The following TRIQK variants were observed in gnomAD, a reference collection of about 807,000 sequenced individuals.
TRIQK encodes the protein triple QxxK/R motif-containing protein.
TRIQK carries 10 observed loss-of-function variants against 10.8 expected under a neutral mutation model. That is an observed-to-expected ratio of 0.92 (90% confidence interval 0.57 to 1.57). The LOEUF (loss-of-function observed/expected upper bound fraction) is 1.57, where lower values mean the gene tolerates loss of function less well. Among genes scored for constraint, TRIQK ranks in the 40% most tolerant of loss-of-function variants. The pLI is 0.00. For synonymous variants in TRIQK, 33 were observed against 33.7 expected, an observed-to-expected ratio of 0.98 and a Z score of 0.07; for missense variants, 107 against 97.7, an observed-to-expected ratio of 1.09 and a Z score of -0.40.
chr8:92,998,898 G>T (rs749063894), intron 1 of TRIQK, among the ~76,000 whole-genome samples: 1 of 152,072 alleles, frequency 6.6e-6, no homozygotes, highest in Admixed American at 6.5e-5. Context: ...GTTAGGGAAT[G>T]ATTTACAAAA....
At chr8:93,014,301 C>T (rs1318023333) in intron 1 of TRIQK, among the ~76,000 whole-genome samples, 1 of 151,930 alleles carries the variant, frequency 6.6e-6, no homozygotes, top group Non-Finnish European at 1.5e-5. Flanking sequence ...TCAATAAATA[C>T]TTTAATAATA....
chr8:92,932,298 A>C (rs1461648035), intron 2 of TRIQK, among the ~76,000 whole-genome samples: 1 of 152,094 alleles, frequency 6.6e-6, no homozygotes, highest in East Asian at 1.9e-4. Flanking sequence ...TCAATCATAC[A>C]TCTAGCATCA....
At chr8:92,915,790 G>A (rs1173228559) in intron 3 of TRIQK, among the ~76,000 whole-genome samples, 1 of 151,542 alleles carries the variant, frequency 6.6e-6, no homozygotes, top group Non-Finnish European at 1.5e-5. Context: ...TTAAGTCACC[G>A]CGCCCGGCCT....
intron 1 of TRIQK, among the ~76,000 whole-genome samples, chr8:92,989,884 G>T (rs1325460801): frequency 6.6e-6 from 1 of 151,942 alleles, no homozygotes; most frequent in Non-Finnish European, 1.5e-5. Flanking sequence ...CTACGTAAAA[G>T]ATTTTTTTAC....
intron 2 of TRIQK, among the ~76,000 whole-genome samples, chr8:92,925,515 A>G (rs1810403945): frequency 6.6e-6 from 1 of 152,300 alleles, no homozygotes; most frequent in Non-Finnish European, 1.5e-5. Flanking sequence ...AATGCATTAA[A>G]AAACTATTTA....
At chr8:92,981,665 G>T (rs1271937296) in intron 1 of TRIQK, among the ~76,000 whole-genome samples, 2 of 151,562 alleles carry the variant, frequency 1.3e-5, no homozygotes, top group Admixed American at 6.6e-5. Flanking sequence ...ATTCTAAATG[G>T]TCTAATATTA....
intron 3 of TRIQK, 60 bp downstream of exon 3, chr8:92,916,869 T>A: frequency 8.5e-7 from 1 of 1,170,098 alleles, no homozygotes. Flanking sequence ...TTTCTTAATA[T>A]GCATAATTGT....
rs567445611 is a variant in TRIQK, at chr8:92,945,451, G to A, written c.-22+8955C>T. On this transcript the variant is annotated intron_variant, in intron 2 of 4. Coordinates refer to ENST00000521988, the MANE Select transcript of TRIQK (RefSeq NM_001171797.2). The stretch of plus-strand genomic sequence containing the variant: ...GATATAATCTGAAAGTATAGGGACA[G>A]TAACATACCATAAGGTGAGCTTTGA... Among the ~76,000 whole-genome samples, 7 of 152,328 alleles carry A rather than the reference G, an allele frequency of 4.6e-5. No individual in the cohort carries two copies. In the East Asian group the frequency reaches 1.3e-3, roughly 29 times the overall value.
intron 3 of TRIQK, among the ~76,000 whole-genome samples, chr8:92,893,048 G>C (rs1031100514): frequency 1.3e-5 from 2 of 151,120 alleles, no homozygotes; most frequent in African/African-American, 2.4e-5. Context: ...CCTTCCTTTC[G>C]ATGACCAGTT....
At chr8:92,990,486 C>T (rs148629566) in intron 1 of TRIQK, among the ~76,000 whole-genome samples, 48 of 151,464 alleles carry the variant, frequency 3.2e-4, no homozygotes, top group African/African-American at 1.1e-3. Context: ...GGAAGAGCTC[C>T]GGTCTGCAGC....
chr8:92,906,207 G>C (rs543490962), intron 3 of TRIQK, among the ~76,000 whole-genome samples: 1 of 152,226 alleles, frequency 6.6e-6, no homozygotes, highest in Admixed American at 6.5e-5. Context: ...TAGTTCTCCT[G>C]AATTGAAAGC....
chr8:93,013,592 T>A (rs1213547262), intron 1 of TRIQK, among the ~76,000 whole-genome samples: 1 of 152,202 alleles, frequency 6.6e-6, no homozygotes, highest in Admixed American at 6.5e-5. Flanking sequence ...TCAAATAGTG[T>A]GGTCTGAGAA....
At chr8:92,931,428 G>A (rs1810719681) in intron 2 of TRIQK, among the ~76,000 whole-genome samples, 1 of 152,002 alleles carries the variant, frequency 6.6e-6, no homozygotes, top group Non-Finnish European at 1.5e-5. Context: ...CTAAGAGGGG[G>A]CTTACATAAG....
intron 3 of TRIQK, among the ~76,000 whole-genome samples, chr8:92,899,957 G>T (rs1173907812): frequency 1.3e-5 from 2 of 152,044 alleles, no homozygotes; most frequent in Non-Finnish European, 2.9e-5. Context: ...ACTGAGGTGA[G>T]ATGATATTTC....
upstream of TRIQK, among the ~76,000 whole-genome samples, chr8:92,969,205 A>G (rs1397565257): frequency 6.6e-6 from 1 of 151,940 alleles, no homozygotes; most frequent in Non-Finnish European, 1.5e-5. Flanking sequence ...TTACTGTAGT[A>G]TAGATTGAAG....
intron 2 of TRIQK, among the ~76,000 whole-genome samples, chr8:92,923,708 G>C (rs531693303): frequency 2.0e-5 from 3 of 151,804 alleles, no homozygotes; most frequent in Admixed American, 6.6e-5. Flanking sequence ...ACACTCATTA[G>C]GACTTTTAAG....
intron 1 of TRIQK, among the ~76,000 whole-genome samples, chr8:92,990,611 A>G (rs936651676): frequency 2.6e-5 from 4 of 152,122 alleles, no homozygotes; most frequent in Non-Finnish European, 5.9e-5. Context: ...GGCAAGCTGA[A>G]GCAGCGTGGG....
intron 1 of TRIQK, among the ~76,000 whole-genome samples, chr8:92,981,625 T>A (rs1812988074): frequency 6.6e-6 from 1 of 151,892 alleles, no homozygotes. Context: ...AAAATATCTA[T>A]TTCTGTCCCT....
chr8:92,958,713 C>A (rs1250766556), intron 1 of TRIQK, among the ~76,000 whole-genome samples: 1 of 151,928 alleles, frequency 6.6e-6, no homozygotes, highest in African/African-American at 2.4e-5. Flanking sequence ...GTCCCTTGAA[C>A]TGAAAAGAAA....
Sources: gnomAD v4.1 joint callset for allele counts (sites outside exome capture counted in the v4.1 genomes callset) on GRCh38, gnomAD v4.1.1 for gene constraint, MANE v1.5 for transcripts, NCBI Gene and HGNC (gene_info 2026-07-23, HGNC 2026-07-21) for gene names.